The following ABCB1 variants were observed in gnomAD, a reference collection of about 807,000 sequenced individuals.
ABCB1 encodes the protein ATP binding cassette subfamily B member 1.
In ABCB1, 69 loss-of-function variants were observed where a neutral mutation model predicts 142.0. The observed-to-expected ratio is 0.49, with a 90% CI of 0.40 to 0.59. ABCB1 has a LOEUF of 0.59. Ranked by LOEUF, ABCB1 falls within the 20% of genes least tolerant of loss-of-function variation. The pLI is 0.00. For missense variants in ABCB1, 1,326 were observed against 1,554.7 expected, an observed-to-expected ratio of 0.85 and a Z score of 2.47; for synonymous variants, 532 against 539.2, an observed-to-expected ratio of 0.99 and a Z score of 0.18.
intron 8 of ABCB1, among the ~76,000 whole-genome samples, chr7:87,558,005 A>T (rs1374512552): frequency 6.6e-6 from 1 of 152,184 alleles, no homozygotes; most frequent in Non-Finnish European, 1.5e-5. Context: ...ACACAGCAGA[A>T]CTTGCATGTC....
At chr7:87,655,073 A>G (rs1823954538) in intron 1 of ABCB1, among the ~76,000 whole-genome samples, 1 of 152,126 alleles carries the variant, frequency 6.6e-6, no homozygotes, top group East Asian at 1.9e-4. Context: ...GAACCCTTGT[A>G]GTAGGAATGT....
At chr7:87,578,602 A>G (rs527921469) in intron 4 of ABCB1, among the ~76,000 whole-genome samples, 45 of 151,842 alleles carry the variant, frequency 3.0e-4, no homozygotes, top group African/African-American at 9.9e-4. Flanking sequence ...AATGTTCTAC[A>G]GTTTTCATTG....
intron 1 of ABCB1, among the ~76,000 whole-genome samples, chr7:87,696,446 C>T (rs1828500842): frequency 1.3e-5 from 2 of 152,048 alleles, no homozygotes; most frequent in African/African-American, 2.4e-5. Flanking sequence ...AATAATATCG[C>T]AGATAACTCA....
At chr7:87,527,046 AT>A (rs1176337842) in intron 21 of ABCB1, among the ~76,000 whole-genome samples, 1 of 151,960 alleles carries the variant, frequency 6.6e-6, no homozygotes, top group East Asian at 1.9e-4. Context: ...TCAGGCAGAT[AT>A]CCTTTCTTCT....
At chr7:87,618,719 T>C (rs1820116658) in intron 1 of ABCB1, among the ~76,000 whole-genome samples, 1 of 152,214 alleles carries the variant, frequency 6.6e-6, no homozygotes, top group Non-Finnish European at 1.5e-5. Flanking sequence ...TCAGTTGACC[T>C]TGAGATAGGG....
intron 1 of ABCB1, among the ~76,000 whole-genome samples, chr7:87,692,081 T>A (rs1015336669): frequency 8.5e-5 from 13 of 152,120 alleles, no homozygotes; most frequent in Admixed American, 3.9e-4. Context: ...AAGAAAATTT[T>A]CCCATGGTCT....
chr7:87,540,353 T>C (rs10268314), intron 18 of ABCB1, among the ~76,000 whole-genome samples: 19,935 of 152,274 alleles, frequency 0.13, 1,395 homozygotes, highest in African/African-American at 0.17. Context: ...AGTTTACTTA[T>C]GTGCCCAAGG....
chr7:87,701,593 A>G (rs1829040927), intron 1 of ABCB1, among the ~76,000 whole-genome samples: 1 of 152,230 alleles, frequency 6.6e-6, no homozygotes, highest in Admixed American at 6.5e-5. Flanking sequence ...CAGTAGATTT[A>G]ATGTACTATA....
At chr7:87,681,711 AAT>A (rs1348333742) in intron 1 of ABCB1, among the ~76,000 whole-genome samples, 1 of 151,348 alleles carries the variant, frequency 6.6e-6, no homozygotes, top group Non-Finnish European at 1.5e-5. Flanking sequence ...TGGATATGAC[AAT>A]GTCTTAAGAC....
rs141561698 is a variant in ABCB1, at chr7:87,606,897, C to G, written c.-330-5819G>C. On this transcript the variant is annotated intron_variant, in intron 1 of 28. Transcript: ENST00000265724. ...GAATCCTGGTTATTAGTATCTATCT[C>G]TCAGTGGAGTTTGCTCCTTATTAAG... 3.3e-4 allele frequency among the ~76,000 whole-genome samples: 50 copies of G among 152,190 alleles called. No individual in the cohort carries two copies. In the East Asian group the frequency reaches 9.1e-3, roughly 28 times the overall value.
At chr7:87,609,299 G>A (rs28381782) in intron 1 of ABCB1, among the ~76,000 whole-genome samples, 5 of 152,186 alleles carry the variant, frequency 3.3e-5, no homozygotes, top group South Asian at 2.1e-4. Context: ...GGAGATCCTC[G>A]AATACTAATA....
At position 87,550,453 on chromosome 7, in the gene ABCB1, C is replaced by A. The variant is rs1180696718; in HGVS notation, c.1224+15G>T. 1 of 1,607,724 alleles carries A rather than the reference C, an allele frequency of 6.2e-7. No individual in the cohort carries two copies. The highest frequency in any genetic ancestry group is 1.7e-5 in the Admixed American group (1 of 59,996). ...TTCAATAGATTAATTGTTGATTAAT[C>A]ATTTATCACTGTACCTTAACTTCTT... is the stretch of plus-strand genomic sequence containing the variant. On this transcript the variant is annotated intron_variant, in intron 11 of 27. Coordinates refer to ENST00000622132, the MANE Select transcript of ABCB1 (RefSeq NM_001348946.2).
chr7:87,670,840 A>G (rs546320060), intron 1 of ABCB1, among the ~76,000 whole-genome samples: 29 of 152,170 alleles, frequency 1.9e-4, no homozygotes, highest in African/African-American at 4.3e-4. Flanking sequence ...TGGCTCCCCT[A>G]TGTTTCCTCA....
At chr7:87,707,174 T>A (rs1451657201) in intron 1 of ABCB1, among the ~76,000 whole-genome samples, 9 of 152,126 alleles carry the variant, frequency 5.9e-5, no homozygotes, top group African/African-American at 2.2e-4. Flanking sequence ...TCATACAGAA[T>A]GTCTAGTATA....
chr7:87,545,506 G>C (rs925503828), intron 15 of ABCB1, among the ~76,000 whole-genome samples: 3 of 152,114 alleles, frequency 2.0e-5, no homozygotes, highest in Admixed American at 2.0e-4. Context: ...TATAAAAATT[G>C]AGATATTTTG....
chr7:87,518,578 A>G (rs1042769845), intron 23 of ABCB1, among the ~76,000 whole-genome samples: 2 of 152,220 alleles, frequency 1.3e-5, no homozygotes, highest in Admixed American at 1.3e-4. Context: ...AAGGACAGAA[A>G]TACTATACTA....
chr7:87,550,462 C>G lies in ABCB1; in HGVS notation c.1224+6G>C. 6.2e-7 allele frequency: 1 copy of G among 1,610,404 alleles called. No individual in the cohort carries two copies. Among genetic ancestry groups the G allele is most frequent in the Non-Finnish European group, 8.5e-7 (1 of 1,177,938 alleles). On this transcript the variant is annotated splice_donor_region_variant and intron_variant, in intron 11 of 27. Transcript: ENST00000622132. ...TTAATTGTTGATTAATCATTTATCA[C>G]TGTACCTTAACTTCTTTTCGAGATG...
intron 1 of ABCB1, among the ~76,000 whole-genome samples, chr7:87,643,864 G>A (rs936521923): frequency 6.6e-6 from 1 of 151,216 alleles, no homozygotes; most frequent in African/African-American, 2.4e-5. Flanking sequence ...AAGAAAGAAG[G>A]GAAATTACTT....
chr7:87,586,078 T>G (rs1345925776), intron 3 of ABCB1, among the ~76,000 whole-genome samples: 2 of 152,172 alleles, frequency 1.3e-5, no homozygotes, highest in African/African-American at 4.8e-5. Flanking sequence ...GAGGATACCA[T>G]GGAGGAAACA....
Sources: gnomAD v4.1 joint callset for allele counts (sites outside exome capture counted in the v4.1 genomes callset) on GRCh38, gnomAD v4.1.1 for gene constraint, MANE v1.5 for transcripts, NCBI Gene and HGNC (gene_info 2026-07-23, HGNC 2026-07-21) for gene names.